The following EPHA6 variants were observed in gnomAD, a reference collection of about 807,000 sequenced individuals.
The protein encoded by EPHA6 is ephrin type-A receptor 6.
EPHA6 carries 50 observed loss-of-function variants against 112.0 expected under a neutral mutation model. The ratio of observed to expected loss-of-function variants is 0.45; its 90% CI spans 0.36 to 0.56. EPHA6 has a LOEUF of 0.56. Among genes scored for constraint, EPHA6 ranks in the 20% least tolerant of loss-of-function variants. The pLI is 0.00. For synonymous variants in EPHA6, 529 were observed against 490.7 expected (o/e 1.08, Z -1.03); for missense variants, 1,280 against 1,417.4 (o/e 0.90, Z 1.56).
chr3:97,722,830 T>C (rs1233421150), intron 15 of EPHA6, among the ~76,000 whole-genome samples: 1 of 152,106 alleles, frequency 6.6e-6, no homozygotes, highest in African/African-American at 2.4e-5. Context: ...ATCATTCTTA[T>C]AATAGGAGGA....
intron 5 of EPHA6, among the ~76,000 whole-genome samples, chr3:97,246,603 A>G (rs1296058827): frequency 6.6e-6 from 1 of 151,708 alleles, no homozygotes; most frequent in Non-Finnish European, 1.5e-5. Context: ...TTAAGAAATG[A>G]TTATTGTTAA....
intron 5 of EPHA6, among the ~76,000 whole-genome samples, chr3:97,352,944 C>T (rs1449460867): frequency 6.6e-6 from 1 of 152,088 alleles, no homozygotes; most frequent in Non-Finnish European, 1.5e-5. Flanking sequence ...AATTTGGATA[C>T]CAGCTTAGGC....
chr3:96,987,092 A>C (rs1455172449), intron 2 of EPHA6, among the ~76,000 whole-genome samples: 1 of 152,206 alleles, frequency 6.6e-6, no homozygotes, highest in African/African-American at 2.4e-5. Flanking sequence ...CTAGTGATCA[A>C]ATAAAGTTGT....
intron 2 of EPHA6, among the ~76,000 whole-genome samples, chr3:96,911,944 A>T (rs1286886541): frequency 6.6e-6 from 1 of 152,108 alleles, no homozygotes; most frequent in Non-Finnish European, 1.5e-5. Flanking sequence ...AACTGAATAC[A>T]GAATGTCTCA....
rs1403852 is a variant in EPHA6, at chr3:97,363,247, A to T, written c.1607-41903A>T. On this transcript the variant is annotated intron_variant, in intron 5 of 17. Transcript: ENST00000389672. ...ATATATATATATATATAAATCTCAG[A>T]TGCTACAAAAACTAAAGTAAATTAT... 2.1e-5 allele frequency among the ~76,000 whole-genome samples: 2 copies of T among 96,356 alleles called. 1 individual carries two copies. Among genetic ancestry groups the T allele is most frequent in the African/African-American group, 7.0e-5 (2 of 28,734 alleles). 63.2% of individuals were successfully genotyped at this position (96,356 alleles called of 152,430 possible).
intron 3 of EPHA6, among the ~76,000 whole-genome samples, chr3:97,145,548 A>G (rs1459132905): frequency 1.3e-5 from 2 of 151,054 alleles, no homozygotes; most frequent in South Asian, 2.1e-4. Context: ...AAAAAAAAAA[A>G]CATTTTAATG....
At chr3:97,211,014 G>T (rs1222268307) in intron 3 of EPHA6, among the ~76,000 whole-genome samples, 1 of 152,164 alleles carries the variant, frequency 6.6e-6, no homozygotes, top group Admixed American at 6.5e-5. Flanking sequence ...CACATGGGTA[G>T]TTTCTAAAAG....
intron 5 of EPHA6, among the ~76,000 whole-genome samples, chr3:97,357,284 G>A (rs765762529): frequency 9.2e-5 from 14 of 152,216 alleles, no homozygotes; most frequent in Middle Eastern, 3.4e-3. Context: ...TCGGCTCACT[G>A]CAGTCTTCAC....
intron 3 of EPHA6, among the ~76,000 whole-genome samples, 187 bp from the exon 4 acceptor site, chr3:97,226,077 A>G (rs1009080991): frequency 6.6e-6 from 1 of 152,142 alleles, no homozygotes; most frequent in African/African-American, 2.4e-5. Context: ...ATATGATTGC[A>G]TTGTGGTTTT....
intron 5 of EPHA6, among the ~76,000 whole-genome samples, chr3:97,385,200 A>G (rs1266121918): frequency 6.6e-6 from 1 of 152,178 alleles, no homozygotes; most frequent in Non-Finnish European, 1.5e-5. Context: ...GCCATTTTAC[A>G]TAAGAGACCA....
chr3:97,068,234 T>A (rs2046241856), intron 3 of EPHA6, among the ~76,000 whole-genome samples: 1 of 149,932 alleles, frequency 6.7e-6, no homozygotes, highest in African/African-American at 2.5e-5. Context: ...GGTGGAAAAA[T>A]TTTACTCAAG....
At chr3:96,832,595 T>A (rs566120157) in intron 1 of EPHA6, among the ~76,000 whole-genome samples, 1 of 152,070 alleles carries the variant, frequency 6.6e-6, no homozygotes, top group South Asian at 2.1e-4. Flanking sequence ...TTATTGCCAT[T>A]GGCCTGGTTA....
intron 1 of EPHA6, among the ~76,000 whole-genome samples, chr3:96,845,138 A>C (rs2107342761): frequency 6.6e-6 from 1 of 152,150 alleles, no homozygotes; most frequent in African/African-American, 2.4e-5. Flanking sequence ...GAATGACTTT[A>C]GGAAAGCAGG....
At chr3:97,732,460 C>T (rs138653963) in intron 15 of EPHA6, among the ~76,000 whole-genome samples, 1 of 152,022 alleles carries the variant, frequency 6.6e-6, no homozygotes, top group East Asian at 1.9e-4. Context: ...CAGAGATATA[C>T]CTGACTTGTT....
At chr3:97,264,401 G>A (rs1321118404) in intron 5 of EPHA6, among the ~76,000 whole-genome samples, 4 of 152,248 alleles carry the variant, frequency 2.6e-5, no homozygotes, top group African/African-American at 9.6e-5. Flanking sequence ...CCAGTTCTCT[G>A]CAAAGCTGGA....
chr3:97,386,096 C>T (rs2086052199), intron 5 of EPHA6, among the ~76,000 whole-genome samples: 1 of 152,128 alleles, frequency 6.6e-6, no homozygotes, highest in Non-Finnish European at 1.5e-5. Context: ...AAAGTTCTAA[C>T]TCATTCAAGC....
intron 3 of EPHA6, among the ~76,000 whole-genome samples, chr3:97,141,064 C>T (rs938412701): frequency 2.6e-5 from 4 of 151,864 alleles, no homozygotes; most frequent in African/African-American, 9.7e-5. Context: ...AAATCAACAA[C>T]AGTAAAAAAG....
chr3:97,665,300 C>T (rs1347046664), intron 14 of EPHA6, among the ~76,000 whole-genome samples: 1 of 152,240 alleles, frequency 6.6e-6, no homozygotes, highest in Non-Finnish European at 1.5e-5. Context: ...CTTCCTTGCA[C>T]CTTATACAAA....
intron 7 of EPHA6, among the ~76,000 whole-genome samples, chr3:97,462,266 A>G (rs1164985361): frequency 1.3e-5 from 2 of 152,164 alleles, no homozygotes; most frequent in Non-Finnish European, 2.9e-5. Context: ...GAGAACACAT[A>G]AAACATGTTT....
Sources: allele counts gnomAD v4.1 joint callset (sites outside exome capture counted in the v4.1 genomes callset), GRCh38; gene constraint gnomAD v4.1.1; transcripts MANE v1.5; gene names NCBI Gene and HGNC (gene_info 2026-07-23, HGNC 2026-07-21).